TEX9: variants seen among roughly 807,000 people sequenced by gnomAD.
TEX9 encodes testis expressed 9, also known as testis-expressed protein 9.
In TEX9, 74 loss-of-function variants were observed where a neutral mutation model predicts 59.6. The observed-to-expected ratio is 1.24, with a 90% CI of 1.03 to 1.51. The LOEUF (loss-of-function observed/expected upper bound fraction) is 1.51. TEX9 is among the 40% of genes most tolerant of loss of function. The pLI, the probability that TEX9 is intolerant of heterozygous loss-of-function variation, is 0.00. For synonymous variants in TEX9, 186 were observed against 152.2 expected (o/e 1.22, Z -1.64); for missense variants, 522 against 447.8 (o/e 1.17, Z -1.49).
chr15:56,387,947 T>G (rs1352251285), intron 4 of TEX9, among the ~76,000 whole-genome samples: 1 of 152,058 alleles, frequency 6.6e-6, no homozygotes, highest in East Asian at 1.9e-4. Context: ...GTGTATTTAT[T>G]CATGCACTCA....
intron 1 of TEX9, among the ~76,000 whole-genome samples, chr15:56,263,439 TC>T (rs1341153416): frequency 6.6e-6 from 1 of 152,224 alleles, no homozygotes; most frequent in Non-Finnish European, 1.5e-5. Context: ...CCATTTTGTT[TC>T]TGTTTTTAAA....
chr15:56,459,085 G>A, the TEX9 span, among the ~76,000 whole-genome samples: 1 of 152,168 alleles, frequency 6.6e-6, no homozygotes, highest in Non-Finnish European at 1.5e-5. Flanking sequence ...AAAGAAACCT[G>A]TAACCTATTA....
intron 1 of TEX9, among the ~76,000 whole-genome samples, chr15:56,324,104 G>A (rs1448518964): frequency 6.6e-6 from 1 of 151,906 alleles, no homozygotes; most frequent in Non-Finnish European, 1.5e-5. Context: ...TTATATATGG[G>A]GATGGTAGTG....
chr15:56,347,040 G>A (rs2046484602), intron 1 of TEX9, among the ~76,000 whole-genome samples: 1 of 152,164 alleles, frequency 6.6e-6, no homozygotes, highest in Non-Finnish European at 1.5e-5. Context: ...CGTAGGACTT[G>A]TATGGTGAAA....
intron 10 of TEX9, among the ~76,000 whole-genome samples, chr15:56,420,378 G>C (rs1413373683): frequency 1.2e-4 from 18 of 151,310 alleles, no homozygotes; most frequent in African/African-American, 3.9e-4. Flanking sequence ...CGCAAACTTG[G>C]CTCACTGCAA....
chr15:56,258,359 A>C (rs1228930511), intron 1 of TEX9, among the ~76,000 whole-genome samples: 2 of 152,154 alleles, frequency 1.3e-5, no homozygotes, highest in Admixed American at 6.6e-5. Context: ...GTAGCGTAGA[A>C]TCTATAAATT....
intron 1 of TEX9, among the ~76,000 whole-genome samples, chr15:56,252,376 A>G (rs2044042392): frequency 1.1e-5 from 1 of 94,292 alleles, no homozygotes; most frequent in African/African-American, 4.0e-5. Flanking sequence ...CTATTAGAAA[A>G]ACCTTTTTTT....
intron 1 of TEX9, among the ~76,000 whole-genome samples, chr15:56,345,327 T>A (rs535930554): frequency 6.6e-6 from 1 of 152,048 alleles, no homozygotes; most frequent in East Asian, 1.9e-4. Context: ...TGGGGGAGAA[T>A]CCTGTAACCC....
intron 9 of TEX9, among the ~76,000 whole-genome samples, chr15:56,399,669 C>T (rs2048672273): frequency 6.6e-6 from 1 of 152,226 alleles, no homozygotes; most frequent in South Asian, 2.1e-4. Context: ...AAGTGGGTCC[C>T]TGACCCCTGT....
chr15:56,330,866 G>T (rs1302204571), intron 1 of TEX9, among the ~76,000 whole-genome samples: 1 of 151,898 alleles, frequency 6.6e-6, no homozygotes, highest in East Asian at 1.9e-4. Flanking sequence ...TGGAATAGCT[G>T]ACTGGATTGA....
At position 56,324,988 on chromosome 15, in the gene TEX9, C is replaced by T. The variant is rs1293280174; in HGVS notation, c.-106-48453C>T. On this transcript the variant is annotated intron_variant, in intron 1 of 5. Coordinates refer to the TEX9 transcript ENST00000560827. ...AAAGGAAAAGACCAATAGTTCTTAC[C>T]TACCTCTAGTCATCAGAAGGTTCCA... Among the ~76,000 whole-genome samples the T allele has an allele frequency of 2.0e-5, 3 of 152,118 alleles. No individual in the cohort carries two copies. The East Asian group carries it at 5.8e-4, about 29-fold the overall frequency.
intron 12 of TEX9, among the ~76,000 whole-genome samples, chr15:56,437,314 C>T (rs185528824): frequency 2.0e-5 from 3 of 152,242 alleles, no homozygotes; most frequent in East Asian, 1.9e-4. Context: ...TTTCAACATA[C>T]ACAAATCAAT....
At chr15:56,430,674 T>C (rs1414153709) in intron 12 of TEX9, among the ~76,000 whole-genome samples, 4 of 152,162 alleles carry the variant, frequency 2.6e-5, no homozygotes, top group Non-Finnish European at 5.9e-5. Context: ...CCAGTGACAA[T>C]GTTTTCATAC....
At chr15:56,365,350 A>C (rs1596119476), upstream of TEX9, 3 of 1,453,520 alleles carry the variant, frequency 2.1e-6, no homozygotes, top group South Asian at 2.8e-5. Context: ...AGAACCTGAG[A>C]GTGGGAAGGC....
At chr15:56,395,545 G>A (rs1175584211) in intron 9 of TEX9, 2 of 152,092 alleles carry the variant, frequency 1.3e-5, no homozygotes, top group Non-Finnish European at 2.9e-5. Context: ...TTGAGGAATT[G>A]CTGACTGTTT....
chr15:56,262,550 T>C (rs1339412832), intron 1 of TEX9, among the ~76,000 whole-genome samples: 1 of 152,228 alleles, frequency 6.6e-6, no homozygotes, highest in East Asian at 1.9e-4. Context: ...ACATTTTATA[T>C]GTGCTTGAAA....
intron 1 of TEX9, among the ~76,000 whole-genome samples, chr15:56,307,193 G>A (rs2045503881): frequency 6.6e-6 from 1 of 152,178 alleles, no homozygotes; most frequent in Admixed American, 6.5e-5. Context: ...GATATAAGAA[G>A]CTGTTCACTG....
At chr15:56,258,476 TG>T (rs1426195679) in intron 1 of TEX9, among the ~76,000 whole-genome samples, 1 of 152,120 alleles carries the variant, frequency 6.6e-6, no homozygotes, top group African/African-American at 2.4e-5. Context: ...AGCAGTGATT[TG>T]TAGTTATCCT....
chr15:56,333,470 T>G (rs2046197083), intron 1 of TEX9, among the ~76,000 whole-genome samples: 1 of 52,060 alleles, frequency 1.9e-5, no homozygotes, highest in East Asian at 6.6e-4. Context: ...TCAACACTCC[T>G]TCATGATAAA....
Sources: allele counts gnomAD v4.1 joint callset (sites outside exome capture counted in the v4.1 genomes callset), GRCh38; gene constraint gnomAD v4.1.1; transcripts MANE v1.5; gene names NCBI Gene and HGNC (gene_info 2026-07-23, HGNC 2026-07-21).